The following SRBD1 variants were observed in gnomAD, a reference collection of about 807,000 sequenced individuals.
SRBD1 encodes the protein S1 RNA-binding domain-containing protein 1.
Under a neutral mutation model 115.3 loss-of-function variants are expected in SRBD1, and 88 were observed. The observed-to-expected ratio is 0.76, with a 90% CI of 0.64 to 0.91. The LOEUF is 0.91. Ranked by LOEUF, SRBD1 falls within the 40% of genes least tolerant of loss-of-function variation. SRBD1 has a pLI of 0.00. For missense variants in SRBD1, 1,385 were observed against 1,177.4 expected (o/e 1.18, Z -2.58); for synonymous variants, 509 against 407.7 (o/e 1.25, Z -2.99).
intron 10 of SRBD1, among the ~76,000 whole-genome samples, chr2:45,557,858 G>C (rs1672532037): frequency 6.6e-6 from 1 of 152,122 alleles, no homozygotes; most frequent in Non-Finnish European, 1.5e-5. Flanking sequence ...ATAAAACTAA[G>C]GAGGACTCAC....
chr2:45,546,892 C>G, intron 13 of SRBD1, 53 bp from the exon 14 acceptor site: 1 of 1,531,170 alleles, frequency 6.5e-7, no homozygotes, highest in Non-Finnish European at 9.0e-7. Flanking sequence ...GCTTTGAAAT[C>G]AGCTGGAGAA....
intron 10 of SRBD1, among the ~76,000 whole-genome samples, chr2:45,559,423 G>T (rs1672590293): frequency 6.6e-6 from 1 of 152,080 alleles, no homozygotes; most frequent in Non-Finnish European, 1.5e-5. Flanking sequence ...ACTACTCAGG[G>T]CTCTGTTACA....
intron 4 of SRBD1, among the ~76,000 whole-genome samples, chr2:45,591,793 G>C (rs532084187): frequency 3.9e-5 from 6 of 152,266 alleles, no homozygotes; most frequent in African/African-American, 1.4e-4. Flanking sequence ...CCAGGAAGAG[G>C]CCATTTCCTG....
intron 14 of SRBD1, among the ~76,000 whole-genome samples, chr2:45,493,960 A>G (rs1048657643): frequency 6.6e-6 from 1 of 152,186 alleles, no homozygotes; most frequent in Non-Finnish European, 1.5e-5. Context: ...ACAAAAATGT[A>G]CATTCTCTCT....
chr2:45,530,436 C>G (rs1369460744), intron 14 of SRBD1, among the ~76,000 whole-genome samples: 1 of 151,928 alleles, frequency 6.6e-6, no homozygotes. Context: ...AAAAAAGCAA[C>G]AGCAGCAGCA....
intron 16 of SRBD1, among the ~76,000 whole-genome samples, chr2:45,434,354 G>A (rs574244935): frequency 5.3e-4 from 80 of 152,230 alleles, no homozygotes; most frequent in African/African-American, 1.9e-3. Flanking sequence ...CAATTCTTAT[G>A]TTCCCAAGAC....
At chr2:45,414,118 T>C (rs1340246793) in intron 18 of SRBD1, among the ~76,000 whole-genome samples, 6 of 152,140 alleles carry the variant, frequency 3.9e-5, no homozygotes, top group Non-Finnish European at 8.8e-5. Flanking sequence ...TGTCAGAACA[T>C]AGTGGAACAA....
At position 45,504,765 on chromosome 2, in the gene SRBD1, C is replaced by T. The variant is rs181048979; in HGVS notation, c.1875-16434G>A. ...TCGAGGGGGAAAAGGGAAGAGGAAG[C>T]GGCAAGGACCTTAAACAGGAGGTCT... On this transcript the variant is annotated intron_variant, in intron 14 of 20. Transcript: ENST00000263736. Among the ~76,000 whole-genome samples, 219 of 152,112 alleles carry T rather than the reference C, an allele frequency of 1.4e-3. 1 individual carries two copies. Among genetic ancestry groups the T allele is most frequent in the Non-Finnish European group, 2.4e-3 (160 of 68,002 alleles).
At chr2:45,416,053 C>T (rs918801774) in intron 18 of SRBD1, among the ~76,000 whole-genome samples, 3 of 151,902 alleles carry the variant, frequency 2.0e-5, no homozygotes, top group African/African-American at 7.3e-5. Flanking sequence ...AAACAGAAAA[C>T]TTATTAACTG....
chr2:45,512,089 T>C (rs1445282906), intron 14 of SRBD1, among the ~76,000 whole-genome samples: 4 of 152,186 alleles, frequency 2.6e-5, no homozygotes, highest in African/African-American at 9.7e-5. Context: ...GCAATACACA[T>C]CTTTTATGCA....
chr2:45,410,511 T>C (rs1667567958), intron 19 of SRBD1, among the ~76,000 whole-genome samples: 1 of 152,258 alleles, frequency 6.6e-6, no homozygotes, highest in Non-Finnish European at 1.5e-5. Context: ...AGTACATATC[T>C]GGCTTTCCTC....
intron 4 of SRBD1, among the ~76,000 whole-genome samples, chr2:45,587,715 C>G (rs1228759835): frequency 6.6e-6 from 1 of 152,168 alleles, no homozygotes; most frequent in Non-Finnish European, 1.5e-5. Context: ...TACATCTTAT[C>G]ACCCATTCTG....
At chr2:45,511,216 GA>G (rs1336173821) in intron 14 of SRBD1, among the ~76,000 whole-genome samples, 1 of 152,142 alleles carries the variant, frequency 6.6e-6, no homozygotes, top group Non-Finnish European at 1.5e-5. Context: ...AATCCTCTAA[GA>G]AAAACATTTC....
Position 45,546,705 on chromosome 2 carries a change from GAA to G in SRBD1, c.1874+25_1874+26del, listed in dbSNP as rs1425464241. Reference sequence around the variant, plus strand: ...CTTTAAAGTTCCCATGCTTCTCCAAGAAAAGAGATATATGTAATAGCCTTACC... The same window carrying G: ...CTTTAAAGTTCCCATGCTTCTCCAAGAAGAGATATATGTAATAGCCTTACC... On this transcript the variant is annotated intron_variant, in intron 14 of 20. Coordinates refer to ENST00000263736, the MANE Select transcript of SRBD1 (RefSeq NM_018079.5). The G allele has an allele frequency of 2.5e-6, 4 of 1,604,074 alleles. No homozygotes were observed. In the African/African-American group the frequency reaches 5.4e-5, roughly 21 times the overall value.
intron 16 of SRBD1, among the ~76,000 whole-genome samples, chr2:45,428,330 C>G (rs1023783955): frequency 6.6e-6 from 1 of 152,138 alleles, no homozygotes; most frequent in African/African-American, 2.4e-5. Flanking sequence ...GCGGGCGGAT[C>G]ACGAGGTCAG....
intron 12 of SRBD1, among the ~76,000 whole-genome samples, chr2:45,548,050 A>G (rs1335712827): frequency 6.6e-6 from 1 of 151,736 alleles, no homozygotes; most frequent in Non-Finnish European, 1.5e-5. Context: ...ATAAAGAAAA[A>G]TATTTTTTAT....
intron 14 of SRBD1, among the ~76,000 whole-genome samples, chr2:45,501,166 G>T (rs1294233279): frequency 6.6e-6 from 1 of 152,160 alleles, no homozygotes; most frequent in Non-Finnish European, 1.5e-5. Flanking sequence ...TGATTCTGTT[G>T]ATGTGATGTA....
intron 19 of SRBD1, among the ~76,000 whole-genome samples, chr2:45,400,718 T>C (rs1335542660): frequency 1.3e-5 from 2 of 152,110 alleles, no homozygotes; most frequent in Non-Finnish European, 1.5e-5. Context: ...TAGCTTACTC[T>C]GTCCAGGTGC....
At chr2:45,403,517 AG>A (rs1403862468) in intron 19 of SRBD1, among the ~76,000 whole-genome samples, 1 of 152,110 alleles carries the variant, frequency 6.6e-6, no homozygotes, top group African/African-American at 2.4e-5. Flanking sequence ...AGGGATAGAG[AG>A]GTAAAACAGG....
Sources: allele counts gnomAD v4.1 joint callset (sites outside exome capture counted in the v4.1 genomes callset), GRCh38; gene constraint gnomAD v4.1.1; transcripts MANE v1.5; gene names NCBI Gene and HGNC (gene_info 2026-07-23, HGNC 2026-07-21).